The following PPP2R5A variants were observed in gnomAD, a reference collection of about 807,000 sequenced individuals.
PPP2R5A encodes serine/threonine-protein phosphatase 2A 56 kDa regulatory subunit alpha isoform.
In PPP2R5A, 25 loss-of-function variants were observed where a neutral mutation model predicts 64.2. The ratio of observed to expected loss-of-function variants is 0.39; its 90% CI spans 0.28 to 0.54. The LOEUF is 0.54. PPP2R5A is among the 20% of genes least tolerant of loss of function. PPP2R5A has a pLI of 0.67. For synonymous variants in PPP2R5A, 198 were observed against 201.2 expected (o/e 0.98, Z 0.13); for missense variants, 425 against 576.3 (o/e 0.74, Z 2.69).
At chr1:212,341,722 GGTTT>G (rs962494748) in intron 3 of PPP2R5A, among the ~76,000 whole-genome samples, 8 of 151,712 alleles carry the variant, frequency 5.3e-5, no homozygotes, top group South Asian at 2.1e-4. Context: ...ATAGTTTCTA[GGTTT>G]GTTTGTTTAT....
At chr1:212,317,815 G>A (rs1217424531) in intron 1 of PPP2R5A, among the ~76,000 whole-genome samples, 4 of 151,972 alleles carry the variant, frequency 2.6e-5, no homozygotes, top group African/African-American at 4.8e-5. Context: ...GTGAAACCTC[G>A]TCTCTACTAA....
Position 212,285,974 on chromosome 1 carries a change from C to T in PPP2R5A, c.-137C>T. 1.1e-6 allele frequency: 1 copy of T among 873,082 alleles called. No homozygotes were observed. Among genetic ancestry groups the T allele is most frequent in the Non-Finnish European group, 1.6e-6 (1 of 642,078 alleles). 54.1% of individuals were successfully genotyped at this position (873,082 alleles called of 1,614,324 possible). On this transcript the variant is annotated 5_prime_UTR_variant, in exon 1 of 13. Coordinates refer to ENST00000261461, the MANE Select transcript of PPP2R5A (RefSeq NM_006243.4). Reference sequence around the variant, plus strand: ...GGCGAGGAGAAGCTCGGCGGCGTCCCGGGGCCGGAGGGCCGTGGGGCCGGG... The same window carrying T: ...GGCGAGGAGAAGCTCGGCGGCGTCCTGGGGCCGGAGGGCCGTGGGGCCGGG...
chr1:212,356,863 T>C, intron 9 of PPP2R5A, 87 bp from the exon 10 acceptor site: 1 of 1,321,876 alleles, frequency 7.6e-7, no homozygotes, highest in Middle Eastern at 1.9e-4. Context: ...TTGTATACTA[T>C]GCAGATTAAC....
At chr1:212,332,166 C>A (rs568671396) in intron 2 of PPP2R5A, among the ~76,000 whole-genome samples, 1 of 152,304 alleles carries the variant, frequency 6.6e-6, no homozygotes, top group East Asian at 1.9e-4. Context: ...CCCTCAAGTA[C>A]TGACTTTGAG....
rs929086654 is a variant in PPP2R5A at position 212,294,525 on chromosome 1, G to C, written c.181+8234G>C. Among the ~76,000 whole-genome samples the C allele has an allele frequency of 2.0e-5, 3 of 150,304 alleles. No individual in the cohort carries two copies. The East Asian group carries it at 5.8e-4, about 29-fold the overall frequency. On this transcript the variant is annotated intron_variant, in intron 1 of 12. Transcript: ENST00000261461. ...AAATTGGTCAGTGGCAAAATATTTT[G>C]TTTGCTGTGAAATTAGACACACACT...
intron 1 of PPP2R5A, among the ~76,000 whole-genome samples, chr1:212,326,916 AATAATTG>A (rs1659416282): frequency 6.6e-6 from 1 of 152,234 alleles, no homozygotes. Context: ...ATTATTTAAT[AATAATTG>A]ATCAATGAAA....
intron 1 of PPP2R5A, among the ~76,000 whole-genome samples, chr1:212,295,082 G>C (rs1032354959): frequency 2.0e-5 from 3 of 152,220 alleles, no homozygotes; most frequent in African/African-American, 7.2e-5. Flanking sequence ...TTAGGGTCTA[G>C]TGCGTAATCT....
At chr1:212,301,591 C>T (rs1214679966) in intron 1 of PPP2R5A, among the ~76,000 whole-genome samples, 1 of 152,160 alleles carries the variant, frequency 6.6e-6, no homozygotes, top group African/African-American at 2.4e-5. Context: ...AGTCACAGTG[C>T]TGTGAATCAT....
chr1:212,323,626 G>C (rs753822511), intron 1 of PPP2R5A, among the ~76,000 whole-genome samples: 1 of 152,186 alleles, frequency 6.6e-6, no homozygotes, highest in Non-Finnish European at 1.5e-5. Context: ...GTAATGCTGG[G>C]ATATAGTTCT....
intron 3 of PPP2R5A, among the ~76,000 whole-genome samples, chr1:212,341,921 A>G (rs1456306459): frequency 6.6e-6 from 1 of 152,030 alleles, no homozygotes; most frequent in East Asian, 1.9e-4. Context: ...GATTATTTGT[A>G]TAGACAGCGG....
chr1:212,319,735 C>T (rs1278762856), intron 1 of PPP2R5A, among the ~76,000 whole-genome samples: 1 of 149,238 alleles, frequency 6.7e-6, no homozygotes, highest in African/African-American at 2.5e-5. Flanking sequence ...ATTCTCCTGT[C>T]TCAGTCTCCC....
chr1:212,313,532 A>G (rs1659079029), intron 1 of PPP2R5A, among the ~76,000 whole-genome samples: 2 of 151,206 alleles, frequency 1.3e-5, no homozygotes, highest in Admixed American at 6.6e-5. Context: ...TCTTTTGTAC[A>G]TTCTGTATAC....
chr1:212,342,516 CAT>C (rs1341834273), intron 4 of PPP2R5A, among the ~76,000 whole-genome samples: 6 of 152,164 alleles, frequency 3.9e-5, no homozygotes, highest in African/African-American at 7.2e-5. Flanking sequence ...CCTAAATTAT[CAT>C]AGTTATTTTA....
chr1:212,329,681 G>C (rs1222726831), intron 2 of PPP2R5A, among the ~76,000 whole-genome samples: 1 of 152,224 alleles, frequency 6.6e-6, no homozygotes, highest in South Asian at 2.1e-4. Flanking sequence ...GAGTCTTGCT[G>C]TGTAGCCCAG....
intron 1 of PPP2R5A, among the ~76,000 whole-genome samples, chr1:212,322,223 A>G (rs1271648141): frequency 2.8e-5 from 2 of 71,090 alleles, no homozygotes; most frequent in Admixed American, 3.1e-4. Context: ...GACTGTGGGG[A>G]GAGGGAGAGG....
chr1:212,332,886 CTTTTTTAT>C (rs1265853788), intron 2 of PPP2R5A, among the ~76,000 whole-genome samples: 1 of 151,728 alleles, frequency 6.6e-6, no homozygotes, highest in East Asian at 1.9e-4. Context: ...TCCCTTCTTT[CTTTTTTAT>C]TTTTTTATTT....
At position 212,330,939 on chromosome 1, in the gene PPP2R5A, G is replaced by A. The variant is rs180940439; in HGVS notation, c.378+1608G>A. On this transcript the variant is annotated intron_variant, in intron 2 of 12. Coordinates refer to ENST00000261461, the MANE Select transcript of PPP2R5A (RefSeq NM_006243.4). Reference sequence around the variant, plus strand: ...CCCCAGCACTTTGGGAGGCCAAGGCGGGTTGATCACCTGAGGTCAGGAGTT... The same window carrying A: ...CCCCAGCACTTTGGGAGGCCAAGGCAGGTTGATCACCTGAGGTCAGGAGTT... Among the ~76,000 whole-genome samples, 324 of 151,936 alleles carry A rather than the reference G, an allele frequency of 2.1e-3. 2 individuals are homozygous for A. The highest frequency in any genetic ancestry group is 7.2e-3 in the African/African-American group (298 of 41,432).
intron 1 of PPP2R5A, among the ~76,000 whole-genome samples, chr1:212,304,756 A>G (rs1658865184): frequency 7.3e-6 from 1 of 136,210 alleles, no homozygotes; most frequent in Admixed American, 7.4e-5. Flanking sequence ...TTTTGAGAAC[A>G]GAGTCTCACT....
chr1:212,357,035 A>G lies in PPP2R5A; in HGVS notation c.1064A>G (p.Gln355Arg). Reference sequence around the variant, plus strand: ...AAAATTGAAGAGCCACTTTTCAAGCAGATATCCAAGTGTGTATCCAGTTCT... The same window carrying G: ...AAAATTGAAGAGCCACTTTTCAAGCGGATATCCAAGTGTGTATCCAGTTCT... Reference protein sequence around the residue: ...FKKIEEPLFKQISKCVSSSHF... With the variant: ...FKKIEEPLFKRISKCVSSSHF... The change falls in exon 10 of 13, where the codon CAG (glutamine) becomes CGG (arginine). Residue 355 changes from glutamine (Q) to arginine (R), a missense_variant. Transcript: ENST00000261461. The G allele has an allele frequency of 6.2e-7, 1 of 1,612,356 alleles. No homozygotes were observed. The highest frequency in any genetic ancestry group is 8.5e-7 in the Non-Finnish European group (1 of 1,179,352).
Sources: gnomAD v4.1 joint callset for allele counts (sites outside exome capture counted in the v4.1 genomes callset) on GRCh38, gnomAD v4.1.1 for gene constraint, MANE v1.5 for transcripts, NCBI Gene and HGNC (gene_info 2026-07-23, HGNC 2026-07-21) for gene names.